Variants in CALN1 observed in about 807,000 individuals in gnomAD.
The protein encoded by CALN1 is calneuron 1, also known as calcium-binding protein 8.
Under a neutral mutation model 30.6 loss-of-function variants are expected in CALN1, and 17 were observed. The ratio of observed to expected loss-of-function variants is 0.56; its 90% CI spans 0.38 to 0.83. The LOEUF is 0.83. Among genes scored for constraint, CALN1 ranks in the 40% least tolerant of loss-of-function variants. The pLI, the probability that CALN1 is intolerant of heterozygous loss-of-function variation, is 0.00. For synonymous variants in CALN1, 156 were observed against 131.4 expected (o/e 1.19, Z -1.28); for missense variants, 291 against 354.9 (o/e 0.82, Z 1.45).
intron 3 of CALN1, among the ~76,000 whole-genome samples, chr7:72,175,093 A>G (rs1269761694): frequency 6.7e-6 from 1 of 149,754 alleles, no homozygotes; most frequent in African/African-American, 2.5e-5. Context: ...TTTTTTTTTG[A>G]GACAGAGTCT....
At chr7:72,108,304 T>C (rs879752940) in intron 3 of CALN1, among the ~76,000 whole-genome samples, 3 of 152,230 alleles carry the variant, frequency 2.0e-5, no homozygotes, top group Non-Finnish European at 4.4e-5. Flanking sequence ...ATCTCAAGAT[T>C]CTTAACTTCA....
intron 1 of CALN1, among the ~76,000 whole-genome samples, chr7:72,427,677 AT>A (rs968603253): frequency 1.3e-4 from 20 of 151,180 alleles, no homozygotes; most frequent in Admixed American, 3.3e-4. Context: ...TTTTATTTTT[AT>A]TTTTTTGTAG....
Position 72,439,829 on chromosome 7 carries a change from G to A in CALN1, c.-226+7213C>T, listed in dbSNP as rs1457483464. On this transcript the variant is annotated intron_variant, in intron 1 of 6. Transcript: ENST00000395276. ...CCTGACCTCATGATCCACCCGCCTCGGCCTCCCAAAGTGCTGGGATTACAG... is the reference window on the plus strand; with the variant it reads ...CCTGACCTCATGATCCACCCGCCTCAGCCTCCCAAAGTGCTGGGATTACAG... 2.6e-5 allele frequency among the ~76,000 whole-genome samples: 4 copies of A among 151,738 alleles called. 1 individual carries two copies. Among genetic ancestry groups the A allele is most frequent in the East Asian group, 3.9e-4 (2 of 5,156 alleles).
chr7:71,877,637 T>TA (rs201964687), intron 5 of CALN1, among the ~76,000 whole-genome samples: 74 of 141,764 alleles, frequency 5.2e-4, no homozygotes, highest in Non-Finnish European at 8.2e-4. Flanking sequence ...AAGACCTTTA[T>TA]AAAAAAAAAA....
intron 2 of CALN1, among the ~76,000 whole-genome samples, chr7:72,322,625 T>C (rs114967720): frequency 0.028 from 4,217 of 151,718 alleles, 127 homozygotes; most frequent in African/African-American, 0.072. Context: ...ATTGAACTCA[T>C]AGAGATAGAG....
chr7:72,182,884 G>A (rs1486470382), intron 3 of CALN1, among the ~76,000 whole-genome samples: 1 of 152,138 alleles, frequency 6.6e-6, no homozygotes. Context: ...TGTGTGGCCG[G>A]AAGACAGAAT....
chr7:72,287,170 AC>A (rs1798136349), intron 2 of CALN1, among the ~76,000 whole-genome samples: 1 of 152,166 alleles, frequency 6.6e-6, no homozygotes, highest in Non-Finnish European at 1.5e-5. Flanking sequence ...TAAAGAAATA[AC>A]ATATTACACT....
At chr7:72,267,537 G>C (rs896286729) in intron 3 of CALN1, among the ~76,000 whole-genome samples, 5 of 152,218 alleles carry the variant, frequency 3.3e-5, no homozygotes, top group African/African-American at 1.2e-4. Flanking sequence ...ACGGGTACAA[G>C]GGAAGCACAC....
chr7:72,239,897 T>A (rs577752406), intron 3 of CALN1, among the ~76,000 whole-genome samples: 1 of 152,276 alleles, frequency 6.6e-6, no homozygotes, highest in East Asian at 1.9e-4. Flanking sequence ...CAGGATAGTC[T>A]TGTACATTGC....
At chr7:72,411,766 TG>T (rs1442147611) in intron 1 of CALN1, among the ~76,000 whole-genome samples, 14 of 152,154 alleles carry the variant, frequency 9.2e-5, no homozygotes, top group Admixed American at 4.6e-4. Flanking sequence ...TTGACATGAA[TG>T]TAATTGCTAA....
At chr7:72,309,615 G>A (rs1322164592) in intron 2 of CALN1, among the ~76,000 whole-genome samples, 2 of 152,224 alleles carry the variant, frequency 1.3e-5, no homozygotes, top group Non-Finnish European at 2.9e-5. Flanking sequence ...GAGGGAAGCT[G>A]ATGAATCAGA....
At chr7:72,369,586 G>A (rs1804098284) in intron 2 of CALN1, among the ~76,000 whole-genome samples, 1 of 151,754 alleles carries the variant, frequency 6.6e-6, no homozygotes, top group South Asian at 2.1e-4. Context: ...GTCTTCAACT[G>A]CTGACCTCAG....
At chr7:72,151,426 G>A (rs768094598) in intron 3 of CALN1, among the ~76,000 whole-genome samples, 3 of 151,982 alleles carry the variant, frequency 2.0e-5, no homozygotes, top group Non-Finnish European at 2.9e-5. Flanking sequence ...ATTTTACCTC[G>A]ATTATCTCAG....
chr7:72,422,250 AGTGTAGAAGTGTTT>A (rs1807636550), intron 1 of CALN1, among the ~76,000 whole-genome samples: 5 of 152,196 alleles, frequency 3.3e-5, no homozygotes, highest in Non-Finnish European at 7.4e-5. Flanking sequence ...TCCCGCCAGC[AGTGTAGAAGTGTTT>A]CATTTTCACC....
chr7:72,298,026 A>G (rs1278782968), intron 2 of CALN1, among the ~76,000 whole-genome samples: 1 of 152,148 alleles, frequency 6.6e-6, no homozygotes, highest in African/African-American at 2.4e-5. Context: ...TATTTTTTTT[A>G]GCTACAAAAT....
At chr7:72,372,774 A>G (rs1372822057) in intron 2 of CALN1, among the ~76,000 whole-genome samples, 3 of 152,344 alleles carry the variant, frequency 2.0e-5, no homozygotes, top group Non-Finnish European at 2.9e-5. Context: ...CTACTAAAAT[A>G]AAACCAAAAA....
At chr7:72,171,923 G>T (rs1408570974) in intron 3 of CALN1, among the ~76,000 whole-genome samples, 2 of 152,116 alleles carry the variant, frequency 1.3e-5, no homozygotes, top group African/African-American at 4.8e-5. Context: ...TAAAGGCAAA[G>T]AAACTGGGGT....
At chr7:72,287,765 C>G (rs1161677589) in intron 2 of CALN1, among the ~76,000 whole-genome samples, 4 of 151,948 alleles carry the variant, frequency 2.6e-5, no homozygotes, top group Non-Finnish European at 4.4e-5. Context: ...TTTAACTGCT[C>G]AACAGTTTTC....
At chr7:72,329,275 A>G (rs915609358) in intron 2 of CALN1, among the ~76,000 whole-genome samples, 1 of 152,196 alleles carries the variant, frequency 6.6e-6, no homozygotes, top group African/African-American at 2.4e-5. Context: ...TAAACACTAC[A>G]TTTTATTTTA....
Sources: allele counts gnomAD v4.1 joint callset (sites outside exome capture counted in the v4.1 genomes callset), GRCh38; gene constraint gnomAD v4.1.1; transcripts MANE v1.5; gene names NCBI Gene and HGNC (gene_info 2026-07-23, HGNC 2026-07-21).